The following PIEZO2 variants were observed in gnomAD, a reference collection of about 807,000 sequenced individuals.
The protein encoded by PIEZO2 is piezo-type mechanosensitive ion channel component 2.
A neutral mutation model predicts 337.3 loss-of-function variants in PIEZO2; 172 were observed. The ratio of observed to expected loss-of-function variants is 0.51; its 90% CI spans 0.45 to 0.58. The LOEUF (loss-of-function observed/expected upper bound fraction) is 0.58. Among genes scored for constraint, PIEZO2 ranks in the 20% least tolerant of loss-of-function variants. The pLI, the probability that PIEZO2 is intolerant of heterozygous loss-of-function variation, is 0.00. For synonymous variants in PIEZO2, 1,251 were observed against 1,228.5 expected, an observed-to-expected ratio of 1.02 and a Z score of -0.38; for missense variants, 3,028 against 3,391.3, an observed-to-expected ratio of 0.89 and a Z score of 2.66.
At chr18:10,851,474 T>C (rs1358267165) in intron 7 of PIEZO2, among the ~76,000 whole-genome samples, 1 of 152,156 alleles carries the variant, frequency 6.6e-6, no homozygotes, top group Non-Finnish European at 1.5e-5. Flanking sequence ...TGTACCGAAA[T>C]GTCTGTAATA....
rs966794728 is a variant in PIEZO2 at position 11,132,303 on chromosome 18, G to C, written c.64+16222C>G. On this transcript the variant is annotated intron_variant, in intron 1 of 55. Coordinates refer to ENST00000674853, the MANE Select transcript of PIEZO2 (RefSeq NM_001378183.1). The surrounding 1 kb of genome is among the most constrained non-coding windows in gnomAD (Gnocchi z 4.7). ...AGGCACTCACTTTATGGTGAAAGAAGTGTGGCAGCAGGCTCATGCTCATGG... is the reference window on the plus strand; with the variant it reads ...AGGCACTCACTTTATGGTGAAAGAACTGTGGCAGCAGGCTCATGCTCATGG... Among the ~76,000 whole-genome samples, 4 of 152,188 alleles carry C rather than the reference G, an allele frequency of 2.6e-5. No homozygotes were observed. The highest frequency in any genetic ancestry group is 5.9e-5 in the Non-Finnish European group (4 of 68,030).
chr18:10,778,418 T>C (rs11080456), intron 18 of PIEZO2, among the ~76,000 whole-genome samples: 128,801 of 151,084 alleles, frequency 0.85, 54,965 homozygotes, highest in East Asian at 0.93. Context: ...CTGCAAGCTC[T>C]GCCTCCCAGG....
rs376753279 is a variant in PIEZO2 at position 10,716,930 on chromosome 18, C to T, written c.5090-1114G>A. On this transcript the variant is annotated intron_variant, in intron 37 of 55. Coordinates refer to ENST00000674853, the MANE Select transcript of PIEZO2 (RefSeq NM_001378183.1). The surrounding 1 kb of genome is among the most constrained non-coding windows in gnomAD (Gnocchi z 4.1). ...GGCCTGATTGTAAGGCTGCAGCCAC[C>T]GCACTGGAGACGTGAATCACAGGCG... 1.3e-5 allele frequency among the ~76,000 whole-genome samples: 2 copies of T among 152,166 alleles called. No individual in the cohort carries two copies. The highest frequency in any genetic ancestry group is 6.5e-5 in the Admixed American group (1 of 15,280).
intron 4 of PIEZO2, among the ~76,000 whole-genome samples, chr18:10,909,640 C>T (rs868853718): frequency 2.6e-5 from 4 of 152,112 alleles, no homozygotes; most frequent in African/African-American, 4.8e-5. Flanking sequence ...AAATAAATAA[C>T]GTAAGTGTGG....
intron 36 of PIEZO2, among the ~76,000 whole-genome samples, chr18:10,729,259 T>C (rs2036668199): frequency 1.3e-5 from 2 of 152,154 alleles, no homozygotes; most frequent in South Asian, 4.1e-4. Flanking sequence ...CATTAGAAAT[T>C]ACCTTTTCCT....
chr18:10,740,716 G>C (rs2037182539), intron 33 of PIEZO2: 1 of 500,194 alleles, frequency 2.0e-6, no homozygotes, highest in East Asian at 3.7e-5. Context: ...CTCGACCTCA[G>C]AATTGGGCAA....
At chr18:11,066,058 C>T (rs570097132) in intron 2 of PIEZO2, 69 bp downstream of exon 2, 1 of 1,306,768 alleles carries the variant, frequency 7.7e-7, no homozygotes. Context: ...TAAAGGCCAT[C>T]CCAAGGAGCC....
At position 10,982,963 on chromosome 18, in the gene PIEZO2, C is replaced by T. The variant is rs1235535601; in HGVS notation, c.161-3303G>A. ...CTCAAACTCCTGACCTCAAGAGATC[C>T]GCCTGCCCCAGCCTCCCAAAGTGCT... On this transcript the variant is annotated intron_variant, in intron 2 of 55. Coordinates refer to ENST00000674853, the MANE Select transcript of PIEZO2 (RefSeq NM_001378183.1). The surrounding 1 kb of genome is among the most constrained non-coding windows in gnomAD (Gnocchi z 4.1). Among the ~76,000 whole-genome samples the T allele has an allele frequency of 2.6e-5, 4 of 152,178 alleles. No homozygotes were observed. The highest frequency in any genetic ancestry group is 7.2e-5 in the African/African-American group (3 of 41,530).
At chr18:10,765,593 G>A (rs561464256) in intron 21 of PIEZO2, among the ~76,000 whole-genome samples, 2 of 152,336 alleles carry the variant, frequency 1.3e-5, no homozygotes, top group East Asian at 3.9e-4. Context: ...GGGCAATGGA[G>A]GCAGAGGGAG....
intron 1 of PIEZO2, among the ~76,000 whole-genome samples, chr18:11,093,522 T>G (rs1598949128): frequency 6.6e-6 from 1 of 152,170 alleles, no homozygotes; most frequent in Non-Finnish European, 1.5e-5. Context: ...TTTACAAATT[T>G]TGACGTGTCG....
chr18:10,698,311 A>G (rs2035187652), intron 44 of PIEZO2, among the ~76,000 whole-genome samples: 2 of 152,150 alleles, frequency 1.3e-5, no homozygotes, highest in South Asian at 4.1e-4. Flanking sequence ...AAAGCTTCAG[A>G]CAGGAGCCCC....
Position 10,750,208 on chromosome 18 carries a change from A to G in PIEZO2, c.4168-21T>C. ...CCTATCTGAAAAACAAAAGAGGGGG[A>G]TAATCCTGAAGCTCTGCAGCCAGAA... On this transcript the variant is annotated intron_variant, in intron 28 of 55. Transcript: ENST00000674853. This position sits in a 1 kb window ranked among gnomAD's most constrained non-coding sequence, Gnocchi z 4.1. The G allele has an allele frequency of 1.3e-6, 2 of 1,503,256 alleles. No homozygotes were observed. Among genetic ancestry groups the G allele is most frequent in the South Asian group, 2.4e-5 (2 of 83,362 alleles). 93.1% of individuals were successfully genotyped at this position (1,503,256 alleles called of 1,614,324 possible).
chr18:10,691,233 T>A lies in PIEZO2; in HGVS notation c.7341A>T (p.Leu2447Phe), dbSNP rs767953271. 98 of 1,613,666 alleles carry A rather than the reference T, an allele frequency of 6.1e-5. No homozygotes were observed. Among genetic ancestry groups the A allele is most frequent in the Non-Finnish European group, 8.1e-5 (95 of 1,179,926 alleles). ...TKSYNYVNLF[L>F]FQGFRLVPFL... is the part of the protein sequence containing the mutation. ...GTTGCAGAGCGTCCTACCCTTGGAA[T>A]AAGAAGAGGTTGACGTAATTGTAGC... The change falls in exon 48 of 56, where the codon TTA becomes TTT. Residue 2447 changes from leucine to phenylalanine, a missense_variant. Leu to Phe is a conservative substitution (Grantham distance 22). Coordinates refer to ENST00000674853, the MANE Select transcript of PIEZO2 (RefSeq NM_001378183.1).
chr18:10,782,185 TG>T (rs1393551855), intron 17 of PIEZO2, among the ~76,000 whole-genome samples: 1 of 137,844 alleles, frequency 7.3e-6, no homozygotes, highest in African/African-American at 2.7e-5. Context: ...TATATATCAA[TG>T]TACATCATAT....
At chr18:11,120,275 C>T (rs867281689) in intron 1 of PIEZO2, among the ~76,000 whole-genome samples, 1 of 152,180 alleles carries the variant, frequency 6.6e-6, no homozygotes, top group South Asian at 2.1e-4. Context: ...AGGGCAAGTT[C>T]GGAGGCATCT....
intron 32 of PIEZO2, among the ~76,000 whole-genome samples, chr18:10,741,731 T>C (rs908710536): frequency 4.6e-5 from 7 of 152,216 alleles, no homozygotes; most frequent in African/African-American, 7.2e-5. Context: ...AGGCAACGAT[T>C]GAATGATATT....
At chr18:10,796,523 T>C (rs778053927) in intron 12 of PIEZO2, among the ~76,000 whole-genome samples, 1 of 152,150 alleles carries the variant, frequency 6.6e-6, no homozygotes, top group Non-Finnish European at 1.5e-5. Context: ...AACTAATATG[T>C]CCTCTCAAAT....
At chr18:10,814,131 C>A (rs765597658) in intron 7 of PIEZO2, among the ~76,000 whole-genome samples, 1 of 151,964 alleles carries the variant, frequency 6.6e-6, no homozygotes, top group African/African-American at 2.4e-5. Context: ...CCACGCCCAG[C>A]TAATTTTTTG....
chr18:11,061,745 T>G (rs1052531341), intron 2 of PIEZO2, among the ~76,000 whole-genome samples: 4 of 151,884 alleles, frequency 2.6e-5, no homozygotes, highest in Non-Finnish European at 4.4e-5. Context: ...CACTGCTCAA[T>G]GAAATAAAAG....
Sources: gnomAD v4.1 joint callset for allele counts (sites outside exome capture counted in the v4.1 genomes callset) on GRCh38, gnomAD v4.1.1 for gene constraint, Gnocchi (gnomAD v3.1) non-coding constraint, MANE v1.5 for transcripts, NCBI Gene and HGNC (gene_info 2026-07-23, HGNC 2026-07-21) for gene names.